Variants in ANKLE2 observed in about 807,000 individuals in gnomAD.
ANKLE2 encodes ankyrin repeat and LEM domain-containing protein 2.
ANKLE2 carries 55 observed loss-of-function variants against 84.2 expected under a neutral mutation model. The ratio of observed to expected loss-of-function variants is 0.65; its 90% CI spans 0.53 to 0.82. ANKLE2 has a LOEUF of 0.82. Ranked by LOEUF, ANKLE2 falls within the 40% of genes least tolerant of loss-of-function variation. The pLI is 0.00. For missense variants in ANKLE2, 1,238 were observed against 1,201.9 expected (o/e 1.03, Z -0.44); for synonymous variants, 551 against 486.1 (o/e 1.13, Z -1.76).
At position 132,755,094 on chromosome 12, in the gene ANKLE2, A is replaced by G; in HGVS notation, c.221T>C (p.Leu74Pro). Reference protein sequence around the residue: ...TMDALLARLKLLNPDDLREEI... With the variant: ...TMDALLARLKPLNPDDLREEI... ...TTCTCTAAGGTCATCTGGATTCAGA[A>G]GTTTCAATCGAGCCAACAGAGCATC... The change falls in exon 2 of 13, where the codon CTT (leucine) becomes CCT (proline). Residue 74 changes from leucine to proline, a missense_variant. This residue lies in a region of ANKLE2 where 422 missense variants were observed against 394.5 expected (regional missense o/e 1.07). Coordinates refer to ENST00000357997, the MANE Select transcript of ANKLE2 (RefSeq NM_015114.3). 6.2e-7 allele frequency: 1 copy of G among 1,611,736 alleles called. No homozygotes were observed. Among genetic ancestry groups the G allele is most frequent in the Non-Finnish European group, 8.5e-7 (1 of 1,179,774 alleles).
chr12:132,761,654 C>A lies in ANKLE2; in HGVS notation c.145G>T (p.Val49Phe). 1 of 1,288,990 alleles carries A rather than the reference C, an allele frequency of 7.8e-7. No homozygotes were observed. The highest frequency in any genetic ancestry group is 9.8e-7 in the Non-Finnish European group (1 of 1,018,706). 79.8% of individuals were successfully genotyped at this position (1,288,990 alleles called of 1,614,324 possible). A position where few individuals can be genotyped will look rare whatever the true frequency, so the allele number is the denominator to read the frequency against. The change falls in exon 1 of 13, where the codon GTT becomes TTT. Residue 49 changes from valine (V) to phenylalanine (F), a missense_variant. Physicochemically the swap from Val to Phe is conservative, Grantham distance 50. Transcript: ENST00000357997. ...PGGLGRSGTP[V>F]PPPSAAAAPA... is the part of the protein sequence containing the mutation. ...GCGGCGGCCGCGCTTGGCGGAGGAA[C>A]TGGGGTCCCGCTGCGGCCCAGACCT...
rs1296328288 is a variant in ANKLE2, at chr12:132,734,682, T to A, written c.1701-107A>T. On this transcript the variant is annotated intron_variant, in intron 9 of 12. Transcript: ENST00000357997. Reference sequence around the variant, plus strand: ...TCAAGTACCAAAGCAATGTCTGCAATCATGGTTATAATTTTCCTTTATCCT... The same window carrying A: ...TCAAGTACCAAAGCAATGTCTGCAAACATGGTTATAATTTTCCTTTATCCT... The A allele has an allele frequency of 4.4e-6, 5 of 1,143,896 alleles. No individual in the cohort carries two copies. In the South Asian group the frequency reaches 7.8e-5, roughly 18 times the overall value. 70.9% of individuals were successfully genotyped at this position (1,143,896 alleles called of 1,614,324 possible).
chr12:132,746,955 G>A (rs577753999), intron 5 of ANKLE2, among the ~76,000 whole-genome samples: 2 of 152,322 alleles, frequency 1.3e-5, no homozygotes, highest in African/African-American at 4.8e-5. Flanking sequence ...CCAGGGGTGG[G>A]AGGGGCTAAG....
intron 1 of ANKLE2, chr12:132,758,030 G>A (rs984940685): frequency 2.0e-5 from 3 of 151,306 alleles, no homozygotes; most frequent in African/African-American, 7.3e-5. Context: ...ATAAACAAAA[G>A]GGTATGGTTG....
chr12:132,745,518 C>A, intron 5 of ANKLE2: 1 of 152,946 alleles, frequency 6.5e-6, no homozygotes, highest in South Asian at 2.0e-4. Flanking sequence ...AGGAAATGCT[C>A]CCACAGCAAG....
rs369135097 is a variant in ANKLE2, at chr12:132,753,156, C to A, written c.640+1519G>T. Among the ~76,000 whole-genome samples the A allele has an allele frequency of 1.1e-3, 172 of 151,926 alleles. 2 individuals carry two copies. In the South Asian group the frequency reaches 0.028, roughly 25 times the overall value. On this transcript the variant is annotated intron_variant, in intron 2 of 12. Coordinates refer to ENST00000357997, the MANE Select transcript of ANKLE2 (RefSeq NM_015114.3). ...GGAAACATTGTCTCTACCAAGAATA[C>A]AAAAAAACTGGCGCGTACTGGCACG...
chr12:132,759,068 G>A (rs2044549969), intron 1 of ANKLE2: 1 of 132,764 alleles, frequency 7.5e-6, no homozygotes, highest in African/African-American at 3.1e-5. Flanking sequence ...GTGGCAGAGA[G>A]GATCGCTGCG....
chr12:132,753,707 C>T (rs1453401597), intron 2 of ANKLE2, among the ~76,000 whole-genome samples: 1 of 151,810 alleles, frequency 6.6e-6, no homozygotes, highest in Non-Finnish European at 1.5e-5. Flanking sequence ...CACCACTGCA[C>T]TCCAGCCCAG....
At chr12:132,749,219 G>A (rs773041495) in intron 3 of ANKLE2, among the ~76,000 whole-genome samples, 3 of 152,096 alleles carry the variant, frequency 2.0e-5, no homozygotes, top group South Asian at 2.1e-4. Context: ...GCAGTGGCGC[G>A]ATCTCAGCTC....
rs1214803587 is a variant in ANKLE2, at chr12:132,754,700, C to T, written c.615G>A (p.Val205=). Residue 205 remains valine (V), a synonymous_variant, in exon 2 of 13, where the codon GTG becomes GTA. Coordinates refer to ENST00000357997, the MANE Select transcript of ANKLE2 (RefSeq NM_015114.3). ...EPPLYYGVCP[V]YEDVPARNER... ...CATTTCTCGCTGGGACGTCCTCATA[C>T]ACTGGACACACCCCATAGTACAGGG... 1.2e-6 allele frequency: 2 copies of T among 1,612,016 alleles called. No individual in the cohort carries two copies. Among genetic ancestry groups the T allele is most frequent in the Non-Finnish European group, 1.7e-6 (2 of 1,178,882 alleles).
chr12:132,740,850 G>A (rs550131789), intron 7 of ANKLE2, among the ~76,000 whole-genome samples: 13 of 152,112 alleles, frequency 8.5e-5, no homozygotes, highest in Non-Finnish European at 1.2e-4. Flanking sequence ...GGGAGGGAAC[G>A]TCCCGGAGGC....
Position 132,734,516 on chromosome 12 carries a change from A to C in ANKLE2, c.1760T>G (p.Phe587Cys), listed in dbSNP as rs1173577833. 1.4e-5 allele frequency: 22 copies of C among 1,614,106 alleles called. No homozygotes were observed. The highest frequency in any genetic ancestry group is 1.9e-5 in the Non-Finnish European group (22 of 1,180,008). ...GCCTTCCTGGGAAGACAGATCAACA[A>C]AACAGCCCAGAAATTCCCAGTATTC... The part of the protein sequence containing the change: ...WVEYWEFLGC[F>C]VDLSSQEGLQ... The change falls in exon 10 of 13, where the codon TTT becomes TGT. Residue 587 changes from phenylalanine to cysteine, a missense_variant. This residue lies in a region of ANKLE2 where 802 missense variants were observed against 774.5 expected (regional missense o/e 1.04). Coordinates refer to ENST00000357997, the MANE Select transcript of ANKLE2 (RefSeq NM_015114.3).
intron 1 of ANKLE2, chr12:132,759,593 A>G (rs929383081): frequency 1.3e-5 from 2 of 151,958 alleles, no homozygotes; most frequent in African/African-American, 4.8e-5. Context: ...TCATATATAA[A>G]AACATATTTT....
chr12:132,736,706 G>C (rs1246009677), intron 8 of ANKLE2, among the ~76,000 whole-genome samples, 187 bp downstream of exon 8: 1 of 152,248 alleles, frequency 6.6e-6, no homozygotes, highest in Non-Finnish European at 1.5e-5. Flanking sequence ...ACAGAGCCAA[G>C]AACACACATT....
chr12:132,749,075 C>T (rs768424415), intron 3 of ANKLE2: 7 of 152,138 alleles, frequency 4.6e-5, no homozygotes, highest in Non-Finnish European at 8.8e-5. Context: ...CAAGGGAACA[C>T]TCCCAGAAAT....
At chr12:132,761,579 G>C in intron 1 of ANKLE2, 39 bp downstream of exon 1, 2 of 1,208,332 alleles carry the variant, frequency 1.7e-6, no homozygotes, top group Non-Finnish European at 2.1e-6. Context: ...GCGGGGAAGG[G>C]GCCAGGGTGC....
chr12:132,748,692 T>C (rs952587273), intron 3 of ANKLE2, among the ~76,000 whole-genome samples: 2 of 151,980 alleles, frequency 1.3e-5, no homozygotes, highest in African/African-American at 4.8e-5. Flanking sequence ...GAGGCCAAGT[T>C]TGGTGAACTT....
chr12:132,750,713 A>G lies in ANKLE2; in HGVS notation c.777T>C (p.Ser259=). 2.5e-6 allele frequency: 4 copies of G among 1,614,246 alleles called. No homozygotes were observed. The highest frequency in any genetic ancestry group is 3.4e-6 in the Non-Finnish European group (4 of 1,180,046). The part of the protein sequence containing the change: ...FARGICDYFP[S]PSKTSLPLSP... ...ACAGTGGTAAGGACGTTTTGCTTGG[A>G]GAAGGGAAATAATCACAAATTCCTC... is the stretch of plus-strand genomic sequence containing the variant. Residue 259 remains serine (S), a synonymous_variant, in exon 3 of 13, where the codon TCT becomes TCC. Coordinates refer to ENST00000357997, the MANE Select transcript of ANKLE2 (RefSeq NM_015114.3).
chr12:132,744,154 C>A (rs2044186858), intron 5 of ANKLE2, among the ~76,000 whole-genome samples: 1 of 152,142 alleles, frequency 6.6e-6, no homozygotes, highest in South Asian at 2.1e-4. Context: ...TCTGGGCAGT[C>A]TCAATGTCAC....
Sources: gnomAD v4.1 joint callset for allele counts (sites outside exome capture counted in the v4.1 genomes callset) on GRCh38, gnomAD v4.1.1 for gene constraint, gnomAD v4.1.1 regional missense constraint, MANE v1.5 for transcripts, NCBI Gene and HGNC (gene_info 2026-07-23, HGNC 2026-07-21) for gene names.